TMCO1: variants seen among roughly 807,000 people sequenced by gnomAD.
TMCO1 encodes the protein calcium load-activated calcium channel.
In TMCO1, 29 loss-of-function variants were observed where a neutral mutation model predicts 29.3. The ratio of observed to expected loss-of-function variants is 0.99; its 90% confidence interval spans 0.74 to 1.35. The LOEUF (loss-of-function observed/expected upper bound fraction) is 1.35. TMCO1 is among the 40% of genes most tolerant of loss of function. The pLI is 0.00. For synonymous variants in TMCO1, 80 were observed against 77.1 expected (o/e 1.04, Z -0.20); for missense variants, 173 against 225.5 (o/e 0.77, Z 1.49).
intron 6 of TMCO1, among the ~76,000 whole-genome samples, chr1:165,742,338 C>T (rs1040571072): frequency 1.3e-5 from 2 of 151,972 alleles, no homozygotes; most frequent in African/African-American, 4.8e-5. Flanking sequence ...TCAAGTCTCA[C>T]TTCAAGCTCA....
At chr1:165,728,260 C>CTTT in intron 6 of TMCO1, 139 bp from the exon 7 acceptor site, 16 of 463,656 alleles carry the variant, frequency 3.5e-5, no homozygotes, top group Non-Finnish European at 5.5e-5. Context: ...ATGATTATCA[C>CTTT]TTTTTTTTTT....
downstream of TMCO1, chr1:165,725,459 A>C (rs921922469): frequency 2.2e-6 from 1 of 453,978 alleles, no homozygotes; most frequent in African/African-American, 2.0e-5. Flanking sequence ...CCTGTTAATA[A>C]ACTCAGGTTT....
At chr1:165,737,534 A>C (rs1191347554) in intron 6 of TMCO1, among the ~76,000 whole-genome samples, 1 of 152,202 alleles carries the variant, frequency 6.6e-6, no homozygotes, top group Non-Finnish European at 1.5e-5. Flanking sequence ...AACTTTAAAT[A>C]AAAATACTCT....
chr1:165,763,695 T>C (rs1237559874), intron 2 of TMCO1, among the ~76,000 whole-genome samples: 1 of 152,186 alleles, frequency 6.6e-6, no homozygotes, highest in Non-Finnish European at 1.5e-5. Flanking sequence ...CTCCCCTCTC[T>C]GCTCACTGCA....
rs2101798786 is a variant in TMCO1 at position 165,743,317 on chromosome 1, A to AT, written c.324-7_324-6insA. 9 of 1,606,026 alleles carry AT rather than the reference A, an allele frequency of 5.6e-6. No homozygotes were observed. Among genetic ancestry groups the AT allele is most frequent in the African/African-American group, 1.3e-5 (1 of 74,250 alleles). The stretch of plus-strand genomic sequence containing the variant: ...CCACCACTCTACCATCAAATCTAAA[A>AT]GAAAAAAAAAAAAAAAGAATTGTTA... On this transcript the variant is annotated splice_region_variant and splice_polypyrimidine_tract_variant and intron_variant, in intron 5 of 6. Transcript: ENST00000367881.
downstream of TMCO1, chr1:165,725,020 CTCTCTATATATATA>C (rs1254692723): frequency 5.6e-4 from 67 of 119,600 alleles, no homozygotes; most frequent in African/African-American, 3.3e-3. Context: ...CTCTCTCTCT[CTCTCTATATATATA>C]TATATATATA....
At chr1:165,768,609 C>T (rs2101821179) in intron 1 of TMCO1, 73 bp downstream of exon 1, 1 of 1,611,700 alleles carries the variant, frequency 6.2e-7, no homozygotes. Flanking sequence ...GATCTTTCCC[C>T]TGGTGGCACA....
chr1:165,744,451 A>AT (rs1286362362), intron 5 of TMCO1, among the ~76,000 whole-genome samples: 1 of 152,198 alleles, frequency 6.6e-6, no homozygotes, highest in African/African-American at 2.4e-5. Context: ...GACATTAGTG[A>AT]TGAGCTTTCT....
At chr1:165,765,368 C>G (rs1339566900) in intron 2 of TMCO1, among the ~76,000 whole-genome samples, 1 of 152,204 alleles carries the variant, frequency 6.6e-6, no homozygotes, top group East Asian at 1.9e-4. Flanking sequence ...ACTGCAACTT[C>G]CGCCTCCCAG....
intron 5 of TMCO1, 124 bp downstream of exon 5, chr1:165,751,978 T>G: frequency 1.3e-6 from 1 of 782,512 alleles, no homozygotes; most frequent in Non-Finnish European, 2.2e-6. Context: ...ATACTATTCT[T>G]GCAACTTTTC....
At position 165,754,406 on chromosome 1, in the gene TMCO1, T is replaced by C. The variant is rs1410046933; in HGVS notation, c.209-132A>G. The C allele has an allele frequency of 5.7e-6, 4 of 705,430 alleles. No individual in the cohort carries two copies. The African/African-American group carries it at 7.0e-5, about 12-fold the overall frequency. 43.7% of individuals were successfully genotyped at this position (705,430 alleles called of 1,614,324 possible). A position where few individuals can be genotyped will look rare whatever the true frequency, so the allele number is the denominator to read the frequency against. On this transcript the variant is annotated intron_variant, in intron 3 of 6. Coordinates refer to ENST00000367881, the MANE Select transcript of TMCO1 (RefSeq NM_019026.6). ...CATTTAATAAGATGATGAAAACACC[T>C]GGGATAGTATACGTTTTGTACTCAG...
chr1:165,732,019 C>G (rs973264569), intron 6 of TMCO1, among the ~76,000 whole-genome samples: 1 of 152,156 alleles, frequency 6.6e-6, no homozygotes, highest in African/African-American at 2.4e-5. Context: ...CAGGTGAAAC[C>G]TAGGTCTTCC....
rs146728643 is a variant in TMCO1, at chr1:165,753,126, C to T, written c.256-957G>A. On this transcript the variant is annotated intron_variant, in intron 4 of 6. Coordinates refer to ENST00000367881, the MANE Select transcript of TMCO1 (RefSeq NM_019026.6). ...ATAATGAGGAAATTGGTAGTGAAATCAGTTTTCCTTATACTTCATGGTATG... is the reference window on the plus strand; with the variant it reads ...ATAATGAGGAAATTGGTAGTGAAATTAGTTTTCCTTATACTTCATGGTATG... 5.9e-3 allele frequency among the ~76,000 whole-genome samples: 891 copies of T among 152,224 alleles called. 7 individuals carry two copies. The highest frequency in any genetic ancestry group is 0.02 in the African/African-American group (839 of 41,530).
chr1:165,730,667 T>C (rs1651123217), intron 6 of TMCO1, among the ~76,000 whole-genome samples: 1 of 152,186 alleles, frequency 6.6e-6, no homozygotes, highest in African/African-American at 2.4e-5. Context: ...TGATCACAGC[T>C]CACTGCAACC....
rs181956399 is a variant in TMCO1 at position 165,766,736 on chromosome 1, G to C, written c.148+1456C>G. ...TCCAGGCTGCAATGAGCTCTGAGGG[G>C]TGACAGAGTGAGACCCTGTCTCAAA... On this transcript the variant is annotated intron_variant, in intron 2 of 6. Transcript: ENST00000367881. 5.3e-3 allele frequency among the ~76,000 whole-genome samples: 807 copies of C among 151,284 alleles called. 6 individuals are homozygous for C. The highest frequency in any genetic ancestry group is 7.1e-3 in the Admixed American group (107 of 15,160).
chr1:165,738,071 T>A (rs1218748797), intron 6 of TMCO1, among the ~76,000 whole-genome samples: 1 of 152,174 alleles, frequency 6.6e-6, no homozygotes, highest in Non-Finnish European at 1.5e-5. Flanking sequence ...AGCAGGCAGA[T>A]CACTTAAGGC....
chr1:165,753,299 C>A (rs371882251), intron 4 of TMCO1, among the ~76,000 whole-genome samples: 1 of 151,644 alleles, frequency 6.6e-6, no homozygotes, highest in Non-Finnish European at 1.5e-5. Flanking sequence ...ATAGCAAGAC[C>A]CTGTCTGTAC....
chr1:165,751,818 G>A (rs1652002573), intron 5 of TMCO1, among the ~76,000 whole-genome samples: 1 of 151,738 alleles, frequency 6.6e-6, no homozygotes, highest in Non-Finnish European at 1.5e-5. Flanking sequence ...GGGAAACGGG[G>A]CATACAGCCT....
chr1:165,759,470 GAATT>G lies in TMCO1; in HGVS notation c.208+51_208+54del, dbSNP rs200554678. 4,044 of 1,227,138 alleles carry G rather than the reference GAATT, an allele frequency of 3.3e-3. 103 individuals carry two copies. The African/African-American group carries it at 0.049, about 15-fold the overall frequency. 76.0% of individuals were successfully genotyped at this position (1,227,138 alleles called of 1,614,324 possible). Reference sequence around the variant, plus strand: ...ATAATTTTATATTTTCATTATCTAAGAATTAATTTTTTTAAGAAAACCCAAATTT... The same window carrying G: ...ATAATTTTATATTTTCATTATCTAAGAATTTTTTTAAGAAAACCCAAATTT... On this transcript the variant is annotated intron_variant, in intron 3 of 6. Coordinates refer to ENST00000367881, the MANE Select transcript of TMCO1 (RefSeq NM_019026.6).
Sources: allele counts gnomAD v4.1 joint callset (sites outside exome capture counted in the v4.1 genomes callset), GRCh38; gene constraint gnomAD v4.1.1; transcripts MANE v1.5; gene names NCBI Gene and HGNC (gene_info 2026-07-23, HGNC 2026-07-21).